The following ARHGEF26 variants were observed in gnomAD, a reference collection of about 807,000 sequenced individuals.
ARHGEF26 encodes Rho guanine nucleotide exchange factor (GEF) 26.
In ARHGEF26, 59 loss-of-function variants were observed where a neutral mutation model predicts 89.4. The observed-to-expected ratio is 0.66, with a 90% CI of 0.54 to 0.82. The LOEUF (loss-of-function observed/expected upper bound fraction) is 0.82, where lower values mean the gene tolerates loss of function less well. ARHGEF26 is among the 40% of genes least tolerant of loss of function. The pLI, the probability that ARHGEF26 is intolerant of heterozygous loss-of-function variation, is 0.00. For synonymous variants in ARHGEF26, 500 were observed against 428.4 expected, an observed-to-expected ratio of 1.17 and a Z score of -2.06; for missense variants, 1,234 against 1,085.6, an observed-to-expected ratio of 1.14 and a Z score of -1.92.
chr3:154,182,261 A>G (rs987713127), intron 6 of ARHGEF26, among the ~76,000 whole-genome samples: 1 of 152,284 alleles, frequency 6.6e-6, no homozygotes, highest in East Asian at 1.9e-4. Flanking sequence ...AACTTAGCCT[A>G]TCCCAGCAGG....
At chr3:154,127,012 CAATATAAAATATTAAA>C (rs1386729994) in intron 3 of ARHGEF26, among the ~76,000 whole-genome samples, 1 of 152,048 alleles carries the variant, frequency 6.6e-6, no homozygotes, top group Non-Finnish European at 1.5e-5. Flanking sequence ...AGTAAAAATA[CAATATAAAATATTAAA>C]AATGGTACTC....
At chr3:154,147,156 G>A (rs1719750948) in intron 4 of ARHGEF26, among the ~76,000 whole-genome samples, 1 of 152,166 alleles carries the variant, frequency 6.6e-6, no homozygotes. Flanking sequence ...TGTAATCCCA[G>A]CACTTTGGGA....
intron 9 of ARHGEF26, among the ~76,000 whole-genome samples, chr3:154,202,475 G>A (rs956265305): frequency 7.2e-5 from 11 of 152,192 alleles, no homozygotes; most frequent in Middle Eastern, 3.4e-3. Context: ...GGATTGACTT[G>A]GCAATGTGGG....
intron 9 of ARHGEF26, among the ~76,000 whole-genome samples, chr3:154,202,790 T>C (rs1714731468): frequency 7.6e-5 from 2 of 26,374 alleles, no homozygotes; most frequent in South Asian, 0.011. Context: ...CACTCATGAT[T>C]TGGCTCTCTG....
At chr3:154,131,347 AATGTTGT>A (rs1718675044) in intron 4 of ARHGEF26, among the ~76,000 whole-genome samples, 1 of 152,222 alleles carries the variant, frequency 6.6e-6, no homozygotes, top group Non-Finnish European at 1.5e-5. Context: ...ATTTTAAAGA[AATGTTGT>A]GTGTCCAAGA....
Position 154,256,176 on chromosome 3 carries a change from T to G in ARHGEF26, c.*703T>G. 1.0e-6 allele frequency: 1 copy of G among 985,746 alleles called. No homozygotes were observed. 61.1% of individuals were successfully genotyped at this position (985,746 alleles called of 1,614,324 possible). ...TAGACTAATTAACCTAAGCTACCTT[T>G]AACAACGTAGAATTTAGATGGGTTC... is the stretch of plus-strand genomic sequence containing the variant. On this transcript the variant is annotated 3_prime_UTR_variant, in exon 15 of 15. Transcript: ENST00000465093.
At chr3:154,127,812 C>T (rs1718426381) in intron 3 of ARHGEF26, among the ~76,000 whole-genome samples, 1 of 152,128 alleles carries the variant, frequency 6.6e-6, no homozygotes, top group African/African-American at 2.4e-5. Context: ...TAATGTGGTA[C>T]ACTACAACAT....
At position 154,122,810 on chromosome 3, in the gene ARHGEF26, A is replaced by G. The variant is rs1718066077; in HGVS notation, c.818A>G (p.Lys273Arg). 1.9e-6 allele frequency: 3 copies of G among 1,612,108 alleles called. No individual in the cohort carries two copies. The highest frequency in any genetic ancestry group is 1.1e-5 in the South Asian group (1 of 90,664). ...KSNNQNVEPH[K>R]RLLKVRSMVE... Reference sequence around the variant, plus strand: ...AACAATCAAAATGTGGAGCCCCACAAGAGACTCCTCAAGGTGCGCAGCATG... The same window carrying G: ...AACAATCAAAATGTGGAGCCCCACAGGAGACTCCTCAAGGTGCGCAGCATG... Residue 273 changes from lysine to arginine, a missense_variant, in exon 2 of 15, where the codon AAG (lysine) becomes AGG (arginine). Lys to Arg is a conservative substitution (Grantham distance 26, BLOSUM62 2). Transcript: ENST00000465093.
rs1170965575 is a variant in ARHGEF26 at position 154,136,095 on chromosome 3, G to A, written c.1269+6376G>A. On this transcript the variant is annotated intron_variant, in intron 4 of 14. Transcript: ENST00000465093. ...GCACCTAATAGAGTCATCCTCTACTGCACTCTTCTTTTGTACTTGCTGACA... is the reference window on the plus strand; with the variant it reads ...GCACCTAATAGAGTCATCCTCTACTACACTCTTCTTTTGTACTTGCTGACA... 3.3e-5 allele frequency among the ~76,000 whole-genome samples: 5 copies of A among 152,194 alleles called. No individual in the cohort carries two copies. In the East Asian group the frequency reaches 9.6e-4, roughly 29 times the overall value.
intron 12 of ARHGEF26, among the ~76,000 whole-genome samples, chr3:154,250,384 A>AGG (rs991400942): frequency 1.3e-5 from 2 of 150,818 alleles, no homozygotes; most frequent in African/African-American, 4.9e-5. Flanking sequence ...AGCATCTAAG[A>AGG]GGGGGGGGTG....
chr3:154,145,801 G>A (rs1426592033), intron 4 of ARHGEF26, among the ~76,000 whole-genome samples: 1 of 152,176 alleles, frequency 6.6e-6, no homozygotes, highest in Non-Finnish European at 1.5e-5. Context: ...CCATAGATAA[G>A]TTCTGTGTAA....
rs1249642392 is a variant in ARHGEF26 at position 154,129,666 on chromosome 3, A to G, written c.1216A>G (p.Lys406Glu). 1.2e-6 allele frequency: 2 copies of G among 1,612,274 alleles called. No homozygotes were observed. Among genetic ancestry groups the G allele is most frequent in the Non-Finnish European group, 1.7e-6 (2 of 1,179,178 alleles). Residue 406 changes from lysine (K) to glutamate (E), a missense_variant, in exon 4 of 15, where the codon AAA (lysine) becomes GAA (glutamate). Coordinates refer to ENST00000465093, the MANE Select transcript of ARHGEF26 (RefSeq NM_015595.4). ...GCCCAAAGAACAGAAGTCAGATGAAAAAATTGTGATTCACCATAAGCCATT... is the reference window on the plus strand; with the variant it reads ...GCCCAAAGAACAGAAGTCAGATGAAGAAATTGTGATTCACCATAAGCCATT... ...SEPKEQKSDE[K>E]IVIHHKPLRS...
intron 6 of ARHGEF26, among the ~76,000 whole-genome samples, chr3:154,159,396 T>C (rs1225503596): frequency 3.3e-5 from 5 of 152,134 alleles, no homozygotes; most frequent in Non-Finnish European, 7.4e-5. Flanking sequence ...TATCCATCAA[T>C]GTGCTTTTGT....
At chr3:154,127,535 A>ATC (rs397789784) in intron 3 of ARHGEF26, among the ~76,000 whole-genome samples, 1 of 150,626 alleles carries the variant, frequency 6.6e-6, no homozygotes, top group Non-Finnish European at 1.5e-5. Context: ...GGCTGTCATC[A>ATC]ATGATAACAG....
chr3:154,225,698 T>G, intron 10 of ARHGEF26, 158 bp from the exon 11 acceptor site: 1 of 638,796 alleles, frequency 1.6e-6, no homozygotes, highest in Non-Finnish European at 2.4e-6. Context: ...GAATGCACTG[T>G]ACTTCTGTAT....
chr3:154,183,942 C>G, intron 6 of ARHGEF26, among the ~76,000 whole-genome samples: 1 of 151,326 alleles, frequency 6.6e-6, no homozygotes, highest in East Asian at 1.9e-4. Context: ...AGAATTATAA[C>G]GGCCTTATGG....
intron 9 of ARHGEF26, among the ~76,000 whole-genome samples, chr3:154,203,407 T>G (rs1390357386): frequency 1.3e-5 from 2 of 152,104 alleles, no homozygotes; most frequent in Non-Finnish European, 2.9e-5. Context: ...TACCAGTATT[T>G]TATTGAGATC....
intron 9 of ARHGEF26, among the ~76,000 whole-genome samples, chr3:154,213,771 CAA>C (rs918997500): frequency 6.6e-6 from 1 of 151,624 alleles, no homozygotes; most frequent in South Asian, 2.1e-4. Flanking sequence ...CCCATCTCCA[CAA>C]AAAAAGACGG....
intron 6 of ARHGEF26, among the ~76,000 whole-genome samples, chr3:154,161,265 T>C (rs1168490281): frequency 6.6e-6 from 1 of 152,136 alleles, no homozygotes; most frequent in Non-Finnish European, 1.5e-5. Flanking sequence ...TATTAGGTTT[T>C]GCAGGAAACA....
Sources: gnomAD v4.1 joint callset for allele counts (sites outside exome capture counted in the v4.1 genomes callset) on GRCh38, gnomAD v4.1.1 for gene constraint, MANE v1.5 for transcripts, NCBI Gene and HGNC (gene_info 2026-07-23, HGNC 2026-07-21) for gene names.